The following PRR33 variants were observed in gnomAD, a reference collection of about 807,000 sequenced individuals.
The protein encoded by PRR33 is proline-rich protein 33.
A neutral mutation model predicts 0.5 loss-of-function variants in PRR33; 1 was observed. That is an observed-to-expected ratio of 2.18 (90% CI 0.77 to 10.34). The LOEUF is 10.34. Among genes scored for constraint, PRR33 ranks in the 30% most tolerant of loss-of-function variants. The pLI, the probability that PRR33 is intolerant of heterozygous loss-of-function variation, is 0.13. For synonymous variants in PRR33, 226 were observed against 110.0 expected, an observed-to-expected ratio of 2.06 and a Z score of -6.60; for missense variants, 552 against 251.8, an observed-to-expected ratio of 2.19 and a Z score of -8.07.
chr11:1,906,663 C>T, the PRR33 span, among the ~76,000 whole-genome samples: 1 of 152,144 alleles, frequency 6.6e-6, no homozygotes, highest in East Asian at 1.9e-4. Flanking sequence ...ACTATGGAGG[C>T]AAGCTGTTTC....
At chr11:1,908,341 C>A in the PRR33 span, among the ~76,000 whole-genome samples, 1 of 117,490 alleles carries the variant, frequency 8.5e-6, no homozygotes, top group Non-Finnish European at 1.6e-5. Context: ...CAAATAAACT[C>A]ACTAGAATGT....
the PRR33 span, among the ~76,000 whole-genome samples, chr11:1,916,662 G>T: frequency 6.6e-6 from 1 of 152,146 alleles, no homozygotes; most frequent in Non-Finnish European, 1.5e-5. Flanking sequence ...GGCAGCCACT[G>T]CCCACCCCGC....
the PRR33 span, among the ~76,000 whole-genome samples, chr11:1,915,068 T>G: frequency 6.7e-6 from 1 of 148,232 alleles, no homozygotes; most frequent in Non-Finnish European, 1.5e-5. Context: ...GTATGTGTTA[T>G]GGGGTCACAC....
chr11:1,890,825 C>A (rs1848969091), exon 1 of PRR33: 1 of 569,024 alleles, frequency 1.8e-6, no homozygotes, highest in Non-Finnish European at 3.1e-6. Flanking sequence ...AGGCCGAGTC[C>A]CTCCAGGGAT....
At chr11:1,903,293 C>T in the PRR33 span, 2 of 142,232 alleles carry the variant, frequency 1.4e-5, no homozygotes, top group East Asian at 2.1e-4. Context: ...TTTTTTTTTC[C>T]GTAGAGATAG....
At chr11:1,913,165 C>T in the PRR33 span, among the ~76,000 whole-genome samples, 1 of 152,054 alleles carries the variant, frequency 6.6e-6, no homozygotes, top group African/African-American at 2.4e-5. Context: ...GAGTCTCGCT[C>T]TGTCGCCCAG....
chr11:1,895,875 G>A (rs1849119019), upstream of PRR33, among the ~76,000 whole-genome samples: 1 of 152,156 alleles, frequency 6.6e-6, no homozygotes, highest in Admixed American at 6.5e-5. Context: ...GTGCATGGTG[G>A]TGGGTGCCTG....
chr11:1,891,717 T>G (rs1195925543), exon 1 of PRR33: 1 of 152,670 alleles, frequency 6.6e-6, no homozygotes, highest in African/African-American at 2.4e-5. Flanking sequence ...GGCAGGTCTG[T>G]GGCCCCTCCC....
At chr11:1,913,736 C>G in the PRR33 span, among the ~76,000 whole-genome samples, 1 of 152,246 alleles carries the variant, frequency 6.6e-6, no homozygotes, top group African/African-American at 2.4e-5. Flanking sequence ...TCTCACGTGT[C>G]CTCTGGTTTG....
the PRR33 span, among the ~76,000 whole-genome samples, chr11:1,914,853 C>CTGTGTGTGTGTG: frequency 8.0e-6 from 1 of 125,350 alleles, no homozygotes; most frequent in African/African-American, 3.2e-5. Context: ...GGAGATGTTT[C>CTGTGTGTGTGTG]TGTGTGTGTG....
At chr11:1,890,338 C>T (rs1031306081) in exon 1 of PRR33, 16 of 713,992 alleles carry the variant, frequency 2.2e-5, no homozygotes, top group Middle Eastern at 2.3e-4. Context: ...CCCTCAGCAG[C>T]GTGCGGGGCT....
chr11:1,900,116 A>C, the PRR33 span, among the ~76,000 whole-genome samples: 1 of 151,980 alleles, frequency 6.6e-6, no homozygotes, highest in Non-Finnish European at 1.5e-5. Flanking sequence ...AGAGCATTTA[A>C]TAGTGGAAGC....
the PRR33 span, among the ~76,000 whole-genome samples, chr11:1,898,100 G>C: frequency 1.3e-5 from 2 of 152,216 alleles, no homozygotes; most frequent in Admixed American, 1.3e-4. Flanking sequence ...CAACGGCACA[G>C]ACGCTCCTCT....
the PRR33 span, among the ~76,000 whole-genome samples, chr11:1,898,259 G>A: frequency 1.3e-4 from 20 of 150,050 alleles, no homozygotes; most frequent in African/African-American, 4.9e-4. Flanking sequence ...TTTTGAGACC[G>A]AGTCTCGCTC....
the PRR33 span, among the ~76,000 whole-genome samples, chr11:1,908,440 G>GT: frequency 6.7e-6 from 1 of 149,318 alleles, no homozygotes; most frequent in Non-Finnish European, 1.5e-5. Context: ...TTTTTCTTTT[G>GT]TTTTTTCAAA....
exon 1 of PRR33, chr11:1,888,769 A>C (rs1298463830): frequency 1.0e-5 from 2 of 197,380 alleles, no homozygotes; most frequent in African/African-American, 4.6e-5. Flanking sequence ...TGACAGCAAA[A>C]GGGAGGATCA....
exon 1 of PRR33, chr11:1,889,336 G>C: frequency 1.4e-6 from 1 of 711,210 alleles, no homozygotes; most frequent in South Asian, 1.5e-5. Context: ...GGCCCTGCCA[G>C]GCGCCCTTGG....
the PRR33 span, among the ~76,000 whole-genome samples, chr11:1,900,836 T>C: frequency 5.3e-5 from 8 of 152,326 alleles, no homozygotes; most frequent in East Asian, 1.5e-3. Context: ...TCCCATGTAA[T>C]TTAATTTATC....
the PRR33 span, among the ~76,000 whole-genome samples, chr11:1,898,138 G>A: frequency 1.4e-4 from 21 of 152,172 alleles, no homozygotes; most frequent in African/African-American, 4.8e-4. Flanking sequence ...TCCAGAGCAA[G>A]TCTATCATCC....
Sources: gnomAD v4.1 joint callset for allele counts (sites outside exome capture counted in the v4.1 genomes callset) on GRCh38, gnomAD v4.1.1 for gene constraint, MANE v1.5 for transcripts, NCBI Gene and HGNC (gene_info 2026-07-23, HGNC 2026-07-21) for gene names.